The following ABCB5 variants were observed in gnomAD, a reference collection of about 807,000 sequenced individuals.
ABCB5 encodes ATP binding cassette subfamily B member 5.
A neutral mutation model predicts 144.2 loss-of-function variants in ABCB5; 155 were observed. That is an observed-to-expected ratio of 1.08 (90% confidence interval 0.94 to 1.23). The LOEUF (loss-of-function observed/expected upper bound fraction) is 1.23, where lower values mean the gene tolerates loss of function less well. Among genes scored for constraint, ABCB5 ranks in the 50% most tolerant of loss-of-function variants. ABCB5 has a pLI of 0.00. For synonymous variants in ABCB5, 610 were observed against 528.6 expected, an observed-to-expected ratio of 1.15 and a Z score of -2.11; for missense variants, 1,830 against 1,520.8, an observed-to-expected ratio of 1.20 and a Z score of -3.38.
intron 14 of ABCB5, among the ~76,000 whole-genome samples, chr7:20,676,161 TACACATACACAC>T (rs1177423667): frequency 4.3e-4 from 41 of 95,858 alleles, no homozygotes; most frequent in African/African-American, 1.5e-3. Flanking sequence ...GCAATTCTAC[TACACATACACAC>T]ACACACACAC....
intron 14 of ABCB5, among the ~76,000 whole-genome samples, chr7:20,680,703 C>T (rs1414403008): frequency 2.0e-5 from 3 of 152,016 alleles, no homozygotes; most frequent in East Asian, 3.9e-4. Flanking sequence ...TCTGTATGTA[C>T]CCTTATGTGC....
rs184376564 is a variant in ABCB5, at chr7:20,656,360, T to A, written c.1537-2146T>A. Among the ~76,000 whole-genome samples the A allele has an allele frequency of 2.0e-5, 3 of 152,184 alleles. No individual in the cohort carries two copies. In the East Asian group the frequency reaches 5.8e-4, roughly 29 times the overall value. On this transcript the variant is annotated intron_variant, in intron 13 of 27. Transcript: ENST00000404938. ...AGAGAGCACAAGAAAATATTTATAA[T>A]ATACATGTCCGACAAGGACATGAAT... is the stretch of plus-strand genomic sequence containing the variant.
At chr7:20,721,923 T>C (rs1419192356) in intron 20 of ABCB5, among the ~76,000 whole-genome samples, 2 of 152,222 alleles carry the variant, frequency 1.3e-5, no homozygotes, top group East Asian at 3.8e-4. Context: ...TTTATATGCA[T>C]AACTCAAGCC....
At chr7:20,643,714 T>C (rs1784344860) in intron 7 of ABCB5, 82 bp downstream of exon 7, 1 of 1,490,438 alleles carries the variant, frequency 6.7e-7, no homozygotes, top group South Asian at 1.2e-5. Context: ...AAAAATGGCT[T>C]TTCTATTCAC....
chr7:20,693,727 A>G (rs952421777), intron 16 of ABCB5, among the ~76,000 whole-genome samples: 1 of 152,060 alleles, frequency 6.6e-6, no homozygotes. Flanking sequence ...TCAAATACAA[A>G]GCTGGTTCTC....
intron 14 of ABCB5, among the ~76,000 whole-genome samples, chr7:20,674,307 C>T (rs1785538626): frequency 6.6e-6 from 1 of 151,910 alleles, no homozygotes; most frequent in South Asian, 2.1e-4. Context: ...AGTCCCACTA[C>T]TGATGAATAA....
At chr7:20,700,609 A>G (rs759117953) in intron 19 of ABCB5, among the ~76,000 whole-genome samples, 4 of 152,234 alleles carry the variant, frequency 2.6e-5, no homozygotes, top group Non-Finnish European at 4.4e-5. Context: ...CTGAACTCAG[A>G]TAACATCGGT....
intron 20 of ABCB5, among the ~76,000 whole-genome samples, chr7:20,712,158 CA>C (rs34938819): frequency 0.046 from 2,418 of 52,584 alleles, 23 homozygotes; most frequent in Middle Eastern, 0.11. Flanking sequence ...AAGACGCCGT[CA>C]AAAAAAAAAA....
chr7:20,693,622 C>G (rs1786306916), intron 16 of ABCB5, among the ~76,000 whole-genome samples: 1 of 151,934 alleles, frequency 6.6e-6, no homozygotes, highest in African/African-American at 2.4e-5. Context: ...GAAACTTGTA[C>G]CACTAAACAC....
In ABCB5 at chr7:20,745,132, A is replaced by G. The variant is rs1782679032; in HGVS notation, c.3223-100A>G. The G allele has an allele frequency of 4.9e-6, 6 of 1,236,720 alleles. No individual in the cohort carries two copies. In the African/African-American group the frequency reaches 5.9e-5, roughly 12 times the overall value. 76.6% of individuals were successfully genotyped at this position (1,236,720 alleles called of 1,614,324 possible). A position where few individuals can be genotyped will look rare whatever the true frequency, so the allele number is the denominator to read the frequency against. On this transcript the variant is annotated intron_variant, in intron 25 of 27. Coordinates refer to ENST00000404938, the MANE Select transcript of ABCB5 (RefSeq NM_001163941.2). ...ATACTTTGAAATAGCTTGAATTCCT[A>G]TCCTTCTTGTTATGATTTGTGTGTG... is the stretch of plus-strand genomic sequence containing the variant.
At position 20,748,650 on chromosome 7, in the gene ABCB5, CAAAAAAAAAAAA is replaced by C. The variant is rs71020682; in HGVS notation, c.3429+3229_3429+3240del. 7.4e-3 allele frequency among the ~76,000 whole-genome samples: 440 copies of C among 59,114 alleles called. 5 individuals are homozygous for C. The highest frequency in any genetic ancestry group is 0.036 in the Middle Eastern group (2 of 56). 38.8% of individuals were successfully genotyped at this position (59,114 alleles called of 152,430 possible). ...GGGCAACAAGAGTGAGACTCCATCT[CAAAAAAAAAAAA>C]AAAAAAAAAAAAAAAAGGGAATTAA... On this transcript the variant is annotated intron_variant, in intron 26 of 27. Transcript: ENST00000404938.
chr7:20,735,752 G>C (rs903171447), intron 23 of ABCB5, among the ~76,000 whole-genome samples: 3 of 152,214 alleles, frequency 2.0e-5, no homozygotes, highest in African/African-American at 7.2e-5. Flanking sequence ...GCTTTCCACT[G>C]CAAGGAAGAC....
chr7:20,746,954 G>A (rs1177457559), intron 26 of ABCB5, among the ~76,000 whole-genome samples: 1 of 152,056 alleles, frequency 6.6e-6, no homozygotes, highest in African/African-American at 2.4e-5. Context: ...GTTCTTTGGT[G>A]AAGGCCAATA....
chr7:20,628,385 T>C (rs200324614), intron 3 of ABCB5, among the ~76,000 whole-genome samples: 3 of 152,150 alleles, frequency 2.0e-5, no homozygotes, highest in Non-Finnish European at 4.4e-5. Context: ...ATATGTGCCA[T>C]ATTTTCTTAA....
intron 24 of ABCB5, among the ~76,000 whole-genome samples, chr7:20,740,241 AAAAT>A (rs1471313551): frequency 3.3e-5 from 5 of 152,340 alleles, no homozygotes; most frequent in East Asian, 1.9e-4. Flanking sequence ...CTTGCTCTCA[AAAAT>A]AAATAAATAA....
intron 21 of ABCB5, among the ~76,000 whole-genome samples, chr7:20,723,973 C>T (rs1442356061): frequency 1.3e-5 from 2 of 152,090 alleles, no homozygotes; most frequent in African/African-American, 2.4e-5. Context: ...CTGAAGGAAA[C>T]ATTATGGTGG....
At position 20,631,997 on chromosome 7, in the gene ABCB5, G is replaced by C. The variant is rs940073289; in HGVS notation, c.260-62G>C. 6 of 1,142,796 alleles carry C rather than the reference G, an allele frequency of 5.3e-6. No homozygotes were observed. In the Admixed American group the frequency reaches 1.7e-4, roughly 32 times the overall value. 70.8% of individuals were successfully genotyped at this position (1,142,796 alleles called of 1,614,324 possible). ...CTATATTTGGTTTGGAGGGCTATCT[G>C]TGTAACAGTGTGACCAATTATAAAT... On this transcript the variant is annotated intron_variant, in intron 4 of 27. Transcript: ENST00000404938.
chr7:20,733,082 G>C (rs1308553639), intron 23 of ABCB5, among the ~76,000 whole-genome samples: 3 of 152,120 alleles, frequency 2.0e-5, no homozygotes, highest in Non-Finnish European at 2.9e-5. Flanking sequence ...AAGACTCAAA[G>C]AGGTTACCTA....
rs553815123 is a variant in ABCB5, at chr7:20,666,126, C to T, written c.1707+7450C>T. On this transcript the variant is annotated intron_variant, in intron 14 of 27. Coordinates refer to ENST00000404938, the MANE Select transcript of ABCB5 (RefSeq NM_001163941.2). ...TGGAGGTTGCGGTGAGCCGAGAGCA[C>T]GCCATTGCACTCCAGCCTGGGCAAC... 1.7e-3 allele frequency among the ~76,000 whole-genome samples: 251 copies of T among 150,880 alleles called. 2 individuals are homozygous for T. Among genetic ancestry groups the T allele is most frequent in the African/African-American group, 5.7e-3 (235 of 41,054 alleles).
Sources: gnomAD v4.1 joint callset for allele counts (sites outside exome capture counted in the v4.1 genomes callset) on GRCh38, gnomAD v4.1.1 for gene constraint, MANE v1.5 for transcripts, NCBI Gene and HGNC (gene_info 2026-07-23, HGNC 2026-07-21) for gene names.